The following CENPE variants were observed in gnomAD, a reference collection of about 807,000 sequenced individuals.
The protein encoded by CENPE is centromere-associated protein E.
Under a neutral mutation model 336.1 loss-of-function variants are expected in CENPE, and 145 were observed. The ratio of observed to expected loss-of-function variants is 0.43; its 90% CI spans 0.38 to 0.50. The LOEUF (loss-of-function observed/expected upper bound fraction) is 0.50, where lower values mean the gene tolerates loss of function less well. Among genes scored for constraint, CENPE ranks in the 20% least tolerant of loss-of-function variants. The pLI is 0.00. For missense variants in CENPE, 2,719 were observed against 3,023.3 expected, an observed-to-expected ratio of 0.90 and a Z score of 2.36; for synonymous variants, 1,013 against 984.8, an observed-to-expected ratio of 1.03 and a Z score of -0.54.
At chr4:103,134,066 TAGG>T (rs1239755057) in intron 40 of CENPE, among the ~76,000 whole-genome samples, 174 bp from the exon 41 acceptor site, 1 of 152,206 alleles carries the variant, frequency 6.6e-6, no homozygotes, top group Non-Finnish European at 1.5e-5. Flanking sequence ...CTTAGTATCT[TAGG>T]AGAATAACTA....
chr4:103,145,522 C>A lies in CENPE; in HGVS notation c.4572+1G>T, dbSNP rs775661488. ...CCACTGTTTCTTCATCCCCAATTTA[C>A]CTTGTTCTGTAATTTATCATTGATT... On this transcript the variant is annotated splice_donor_variant, in intron 31 of 48. Coordinates refer to ENST00000265148, the MANE Select transcript of CENPE (RefSeq NM_001813.3). LOFTEE classifies it high-confidence loss of function. The A allele has an allele frequency of 3.6e-5, 58 of 1,598,562 alleles. No individual in the cohort carries two copies. Among genetic ancestry groups the A allele is most frequent in the Non-Finnish European group, 4.7e-5 (55 of 1,174,654 alleles).
chr4:103,198,281 C>T lies in CENPE; in HGVS notation c.39G>A (p.Val13=). 6.4e-7 allele frequency: 1 copy of T among 1,550,786 alleles called. No individual in the cohort carries two copies. Among genetic ancestry groups the T allele is most frequent in the Non-Finnish European group, 8.7e-7 (1 of 1,146,878 alleles). ...EEGAVAVCVR[V]RPLNSREESL... ...CCCCCTACCTGCTGTTCAGCGGCCG[C>T]ACTCGCACGCAGACGGCCACGGCTC... The change falls in exon 1 of 49, where the codon GTG becomes GTA. Residue 13 remains valine, a synonymous_variant. Coordinates refer to ENST00000265148, the MANE Select transcript of CENPE (RefSeq NM_001813.3).
chr4:103,150,308 A>T (rs572996319), intron 26 of CENPE, among the ~76,000 whole-genome samples: 1 of 152,174 alleles, frequency 6.6e-6, no homozygotes, highest in Non-Finnish European at 1.5e-5. Context: ...CAGGCTGGGC[A>T]TGATGGCTCA....
intron 9 of CENPE, among the ~76,000 whole-genome samples, chr4:103,184,209 G>C (rs1756558724): frequency 6.6e-6 from 1 of 152,210 alleles, no homozygotes; most frequent in Non-Finnish European, 1.5e-5. Context: ...GGACTGGTTT[G>C]GTGGATGTAG....
chr4:103,174,651 TA>T (rs1248941610), intron 16 of CENPE, 84 bp downstream of exon 16: 2 of 1,006,776 alleles, frequency 2.0e-6, no homozygotes, highest in East Asian at 3.0e-5. Context: ...TAAAAAAAAT[TA>T]AAAAAGCTTA....
rs889930003 is a variant in CENPE, at chr4:103,195,152, G to C, written c.439C>G (p.Gln147Glu). Residue 147 changes from glutamine (Q) to glutamate (E), a missense_variant, in exon 5 of 49, where the codon CAA (glutamine) becomes GAA (glutamate). By Grantham distance (29) the Gln-to-Glu change is conservative. Transcript: ENST00000265148. ...CGAATAATTAAAGGTTTCATTTTTT[G>C]AGTGCCACAGAGTAAATCTGTAATG... ...ETITDLLCGT[Q>E]KMKPLIIRED... 2.5e-6 allele frequency: 4 copies of C among 1,590,988 alleles called. No individual in the cohort carries two copies. The highest frequency in any genetic ancestry group is 1.9e-5 in the Admixed American group (1 of 53,750).
chr4:103,131,419 T>C (rs1055644827), intron 42 of CENPE, among the ~76,000 whole-genome samples: 1 of 152,118 alleles, frequency 6.6e-6, no homozygotes, highest in African/African-American at 2.4e-5. Flanking sequence ...CTTACTACAC[T>C]TACTAGAATG....
intron 26 of CENPE, 140 bp downstream of exon 26, chr4:103,151,079 A>G (rs909932218): frequency 5.6e-6 from 4 of 715,212 alleles, no homozygotes; most frequent in Admixed American, 3.2e-5. Flanking sequence ...GTAAGTTAAA[A>G]TTGTCCAAAA....
At chr4:103,145,775 A>G in intron 30 of CENPE, 54 bp downstream of exon 30, 1 of 1,534,502 alleles carries the variant, frequency 6.5e-7, no homozygotes. Flanking sequence ...AGGGTTTATA[A>G]TAATATTTGG....
At chr4:103,147,982 C>T (rs1311302981) in intron 28 of CENPE, among the ~76,000 whole-genome samples, 1 of 152,128 alleles carries the variant, frequency 6.6e-6, no homozygotes, top group African/African-American at 2.4e-5. Flanking sequence ...GTGTGAGCCA[C>T]CGCATCCCAC....
intron 35 of CENPE, 25 bp from the exon 36 acceptor site, chr4:103,141,129 G>C (rs1560620162): frequency 7.3e-7 from 1 of 1,376,330 alleles, no homozygotes; most frequent in East Asian, 2.3e-5. Context: ...AAAATAATAT[G>C]TTAGGTGGCT....
chr4:103,175,375 A>T (rs1011169687), intron 15 of CENPE, among the ~76,000 whole-genome samples: 3 of 151,742 alleles, frequency 2.0e-5, no homozygotes, highest in African/African-American at 4.8e-5. Context: ...CAGAGATTGT[A>T]AAAAAAACCC....
intron 16 of CENPE, among the ~76,000 whole-genome samples, chr4:103,172,694 C>A (rs557431842): frequency 6.6e-6 from 1 of 151,870 alleles, no homozygotes; most frequent in South Asian, 2.1e-4. Flanking sequence ...ATACAGAAAA[C>A]CCTAAGGACT....
chr4:103,192,448 G>C (rs974055434), intron 8 of CENPE, among the ~76,000 whole-genome samples: 2 of 152,202 alleles, frequency 1.3e-5, no homozygotes, highest in Admixed American at 1.3e-4. Flanking sequence ...GCAATGGTTA[G>C]TATATTCGAA....
intron 18 of CENPE, among the ~76,000 whole-genome samples, chr4:103,162,353 A>G (rs1486977077): frequency 6.6e-6 from 1 of 152,170 alleles, no homozygotes; most frequent in Non-Finnish European, 1.5e-5. Flanking sequence ...CCAAACATAT[A>G]TAAGTAATCA....
intron 8 of CENPE, among the ~76,000 whole-genome samples, chr4:103,189,322 G>A (rs1757089707): frequency 6.6e-6 from 1 of 152,100 alleles, no homozygotes; most frequent in East Asian, 1.9e-4. Context: ...ACCAAAGCCT[G>A]GCAGAGACAC....
At chr4:103,144,723 A>C in intron 32 of CENPE, 105 bp from the exon 33 acceptor site, 1 of 741,670 alleles carries the variant, frequency 1.3e-6, no homozygotes, top group Non-Finnish European at 2.2e-6. Flanking sequence ...AATCTAATGT[A>C]TGTAGTACTT....
chr4:103,166,690 A>G (rs1371277793), intron 16 of CENPE, among the ~76,000 whole-genome samples: 3 of 152,210 alleles, frequency 2.0e-5, no homozygotes, highest in South Asian at 2.1e-4. Context: ...GCCACATAGA[A>G]GTCTGAAGAG....
chr4:103,132,808 T>G lies in CENPE; in HGVS notation c.6809A>C (p.Gln2270Pro). 1 of 1,582,912 alleles carries G rather than the reference T, an allele frequency of 6.3e-7. No individual in the cohort carries two copies. The highest frequency in any genetic ancestry group is 8.6e-7 in the Non-Finnish European group (1 of 1,158,038). ...QVLSNRKEMT[Q>P]FLEEWLNTRF... The stretch of plus-strand genomic sequence containing the variant: ...AGTATTTAACCACTCTTCCAAAAAC[T>G]GTGTCATTTCTTTCCTATTACTTAG... The change falls in exon 42 of 49, where the codon CAG becomes CCG. Residue 2270 changes from glutamine to proline, a missense_variant. Transcript: ENST00000265148.
Sources: gnomAD v4.1 joint callset for allele counts (sites outside exome capture counted in the v4.1 genomes callset) on GRCh38, gnomAD v4.1.1 for gene constraint, MANE v1.5 for transcripts, NCBI Gene and HGNC (gene_info 2026-07-23, HGNC 2026-07-21) for gene names.